SORD: variants seen among roughly 807,000 people sequenced by gnomAD.
SORD encodes the protein sorbitol dehydrogenase.
SORD carries 18 observed loss-of-function variants against 35.6 expected under a neutral mutation model. The ratio of observed to expected loss-of-function variants is 0.51; its 90% CI spans 0.35 to 0.75. The LOEUF is 0.75. Ranked by LOEUF, SORD falls within the 30% of genes least tolerant of loss-of-function variation. The pLI, the probability that SORD is intolerant of heterozygous loss-of-function variation, is 0.01. For missense variants in SORD, 250 were observed against 390.2 expected (o/e 0.64, Z 3.03); for synonymous variants, 106 against 152.9 (o/e 0.69, Z 2.26).
intron 3 of SORD, among the ~76,000 whole-genome samples, chr15:45,051,777 C>T (rs183823081): frequency 1.3e-5 from 2 of 152,278 alleles, no homozygotes; most frequent in African/African-American, 4.8e-5. Flanking sequence ...CCAGTTTGAT[C>T]ATGAGGTGAG....
In SORD at chr15:45,065,254, G is replaced by C; in HGVS notation, c.426-17G>C. 6.3e-7 allele frequency: 1 copy of C among 1,582,958 alleles called. No individual in the cohort carries two copies. The highest frequency in any genetic ancestry group is 8.6e-7 in the Non-Finnish European group (1 of 1,156,326). On this transcript the variant is annotated splice_polypyrimidine_tract_variant and intron_variant, in intron 4 of 8. Coordinates refer to ENST00000267814, the MANE Select transcript of SORD (RefSeq NM_003104.6). ...TAGTTAACTCAGAGGATCTCTGTGTGTCAATTGACTCCTCAGGCTTCCTGA... is the reference window on the plus strand; with the variant it reads ...TAGTTAACTCAGAGGATCTCTGTGTCTCAATTGACTCCTCAGGCTTCCTGA...
chr15:45,065,748 C>T (rs78255745), intron 5 of SORD, among the ~76,000 whole-genome samples: 10 of 152,094 alleles, frequency 6.6e-5, no homozygotes, highest in East Asian at 5.8e-4. Flanking sequence ...GGTGAAACCC[C>T]GTCTCTACAA....
intron 1 of SORD, among the ~76,000 whole-genome samples, chr15:45,025,717 A>G (rs11636774): frequency 6.6e-6 from 1 of 151,862 alleles, no homozygotes. Flanking sequence ...GTGCAGGGAT[A>G]CTATCAGGGG....
At chr15:45,059,374 AC>A (rs1407906463) in intron 3 of SORD, among the ~76,000 whole-genome samples, 1 of 152,056 alleles carries the variant, frequency 6.6e-6, no homozygotes, top group Middle Eastern at 3.4e-3. Context: ...CAAAAAAAAA[AC>A]CCCAAAAAAC....
At chr15:45,048,162 A>C in intron 3 of SORD, among the ~76,000 whole-genome samples, 1 of 152,146 alleles carries the variant, frequency 6.6e-6, no homozygotes, top group Non-Finnish European at 1.5e-5. Context: ...ACAACAGAAA[A>C]GTGCTACTGT....
intron 1 of SORD, among the ~76,000 whole-genome samples, chr15:45,024,090 T>A (rs776292100): frequency 1.1e-4 from 17 of 152,188 alleles, no homozygotes; most frequent in Non-Finnish European, 2.4e-4. Context: ...CCTTAGACCC[T>A]GCCTTTTGCT....
At chr15:45,025,287 A>G (rs187014567) in intron 1 of SORD, among the ~76,000 whole-genome samples, 3 of 152,318 alleles carry the variant, frequency 2.0e-5, no homozygotes, top group Admixed American at 2.0e-4. Flanking sequence ...TGGTAGCGTC[A>G]TTTACTAGTC....
Position 45,073,540 on chromosome 15 carries a change from G to A in SORD, c.*10G>A. On this transcript the variant is annotated 3_prime_UTR_variant, in exon 9 of 9. Coordinates refer to ENST00000267814, the MANE Select transcript of SORD (RefSeq NM_003104.6). ...TGACCAGAATCCCTGATGTTAATGG[G>A]CTCTGCCCTCATCCCCACAGTCTTG... 1.3e-6 allele frequency: 2 copies of A among 1,597,044 alleles called. No individual in the cohort carries two copies. The highest frequency in any genetic ancestry group is 1.7e-6 in the Non-Finnish European group (2 of 1,174,582).
intron 1 of SORD, 129 bp downstream of exon 1, chr15:45,023,478 TC>T: frequency 1.3e-6 from 1 of 755,524 alleles, no homozygotes; most frequent in Non-Finnish European, 1.9e-6. Flanking sequence ...GCTGCCCAGA[TC>T]CCAGCTGGTT....
intron 5 of SORD, among the ~76,000 whole-genome samples, chr15:45,067,943 G>T (rs1893433925): frequency 1.3e-5 from 2 of 152,196 alleles, no homozygotes; most frequent in African/African-American, 4.8e-5. Flanking sequence ...TTTTAGCTCT[G>T]AGGTTTGAGA....
At chr15:45,024,886 G>A (rs2457647) in intron 1 of SORD, among the ~76,000 whole-genome samples, 5 of 152,066 alleles carry the variant, frequency 3.3e-5, no homozygotes, top group Non-Finnish European at 7.4e-5. Flanking sequence ...GAGAAAAGAC[G>A]CCACAGGGAG....
At chr15:45,034,414 A>T (rs1244908872) in intron 1 of SORD, among the ~76,000 whole-genome samples, 1 of 152,226 alleles carries the variant, frequency 6.6e-6, no homozygotes, top group African/African-American at 2.4e-5. Context: ...TGTTGAGGGA[A>T]TCAACTCAGT....
chr15:45,023,487 G>C (rs537925028), intron 1 of SORD, 138 bp downstream of exon 1: 2 of 700,798 alleles, frequency 2.9e-6, no homozygotes, highest in Admixed American at 8.2e-5. Context: ...ATCCCAGCTG[G>C]TTCCCCTCGG....
chr15:45,027,743 G>A (rs1351696000), intron 1 of SORD, among the ~76,000 whole-genome samples: 19 of 152,240 alleles, frequency 1.2e-4, no homozygotes, highest in African/African-American at 4.6e-4. Flanking sequence ...ATGAATTATG[G>A]ATTCATGAAG....
intron 1 of SORD, among the ~76,000 whole-genome samples, chr15:45,030,115 T>G (rs780580719): frequency 6.6e-6 from 1 of 152,242 alleles, no homozygotes; most frequent in African/African-American, 2.4e-5. Context: ...AGGATTTAAC[T>G]TGTAGCTTGG....
At chr15:45,050,416 A>T (rs1309136649) in intron 3 of SORD, 2 of 152,238 alleles carry the variant, frequency 1.3e-5, no homozygotes, top group African/African-American at 4.8e-5. Flanking sequence ...ATGGATTTGT[A>T]TACTCAAATA....
chr15:45,058,213 C>T (rs12909245), intron 3 of SORD, among the ~76,000 whole-genome samples: 1 of 152,134 alleles, frequency 6.6e-6, no homozygotes, highest in Non-Finnish European at 1.5e-5. Flanking sequence ...GGAGTTAGTT[C>T]GGGGGCCTTC....
At chr15:45,028,300 G>C (rs112807318) in intron 1 of SORD, among the ~76,000 whole-genome samples, 21,401 of 131,700 alleles carry the variant, frequency 0.16, 14 homozygotes, top group African/African-American at 0.43. Flanking sequence ...GCACTGCAGC[G>C]TGGGTGACAG....
intron 4 of SORD, among the ~76,000 whole-genome samples, chr15:45,061,820 G>C (rs1385611996): frequency 6.6e-6 from 1 of 151,990 alleles, no homozygotes; most frequent in Non-Finnish European, 1.5e-5. Flanking sequence ...AGTGAGCCGA[G>C]ATGGCGCCAC....
Sources: gnomAD v4.1 joint callset for allele counts (sites outside exome capture counted in the v4.1 genomes callset) on GRCh38, gnomAD v4.1.1 for gene constraint, MANE v1.5 for transcripts, NCBI Gene and HGNC (gene_info 2026-07-23, HGNC 2026-07-21) for gene names.